The following ADGRL2 variants were observed in gnomAD, a reference collection of about 807,000 sequenced individuals.
The protein encoded by ADGRL2 is adhesion G protein-coupled receptor L2.
A neutral mutation model predicts 157.4 loss-of-function variants in ADGRL2; 44 were observed. That is an observed-to-expected ratio of 0.28 (90% confidence interval 0.22 to 0.36). The LOEUF (loss-of-function observed/expected upper bound fraction) is 0.36. Ranked by LOEUF, ADGRL2 falls within the 10% of genes least tolerant of loss-of-function variation. The pLI, the probability that ADGRL2 is intolerant of heterozygous loss-of-function variation, is 1.00. For synonymous variants in ADGRL2, 585 were observed against 624.7 expected, an observed-to-expected ratio of 0.94 and a Z score of 0.95; for missense variants, 1,510 against 1,768.9, an observed-to-expected ratio of 0.85 and a Z score of 2.63.
intron 2 of ADGRL2, among the ~76,000 whole-genome samples, chr1:81,879,711 C>T (rs186316776): frequency 1.6e-4 from 24 of 152,084 alleles, no homozygotes; most frequent in Non-Finnish European, 3.1e-4. Flanking sequence ...AAAAACAGGT[C>T]GTTTAAATAT....
intron 11 of ADGRL2, among the ~76,000 whole-genome samples, chr1:81,956,593 T>A (rs569035553): frequency 1.9e-4 from 29 of 152,144 alleles, no homozygotes; most frequent in Non-Finnish European, 3.8e-4. Context: ...CAGATAGTGT[T>A]GAAGCATAAT....
chr1:81,843,171 T>C (rs1460472345), intron 2 of ADGRL2, among the ~76,000 whole-genome samples: 2 of 152,178 alleles, frequency 1.3e-5, no homozygotes, highest in Non-Finnish European at 2.9e-5. Flanking sequence ...CTTGCTGTGT[T>C]GCTCAGGCTG....
chr1:81,404,413 A>C lies in ADGRL2; in HGVS notation c.-301-40623A>C, dbSNP rs2076817435. Among the ~76,000 whole-genome samples, 9 of 152,180 alleles carry C rather than the reference A, an allele frequency of 5.9e-5. No individual in the cohort carries two copies. The South Asian group carries it at 1.9e-3, about 32-fold the overall frequency. On this transcript the variant is annotated intron_variant, in intron 1 of 24. Coordinates refer to the ADGRL2 transcript ENST00000370721. ...TGTTCCAAGAACTTCCAAATATTTA[A>C]TCAATTTATCTTCATAATAAATCTA...
chr1:81,721,393 A>G (rs1463541725), intron 1 of ADGRL2, among the ~76,000 whole-genome samples: 1 of 152,126 alleles, frequency 6.6e-6, no homozygotes, highest in Non-Finnish European at 1.5e-5. Flanking sequence ...TACTTTAGTT[A>G]TATATCCAAA....
chr1:81,696,750 T>TCAAAAA (rs1570866859), upstream of ADGRL2, among the ~76,000 whole-genome samples: 5 of 152,090 alleles, frequency 3.3e-5, 1 homozygote, highest in South Asian at 4.2e-4. Context: ...AGACTCCATC[T>TCAAAAA]CAAAAACAAA....
intron 2 of ADGRL2, among the ~76,000 whole-genome samples, chr1:81,446,945 A>T (rs1045634327): frequency 6.6e-6 from 1 of 152,252 alleles, no homozygotes; most frequent in Admixed American, 6.5e-5. Context: ...ATGGCATGTT[A>T]AAGTTTAAAT....
At chr1:81,484,134 TCTTG>T (rs1348351714) in intron 2 of ADGRL2, among the ~76,000 whole-genome samples, 4 of 152,182 alleles carry the variant, frequency 2.6e-5, no homozygotes, top group Non-Finnish European at 5.9e-5. Flanking sequence ...TCCCTTTTGG[TCTTG>T]CTTTTATAAA....
At chr1:81,446,124 G>A (rs1447571293) in intron 2 of ADGRL2, among the ~76,000 whole-genome samples, 1 of 152,012 alleles carries the variant, frequency 6.6e-6, no homozygotes, top group Non-Finnish European at 1.5e-5. Context: ...GTAAATGCCA[G>A]GAAAGAAAAT....
chr1:81,422,337 T>C (rs2077140904), intron 1 of ADGRL2, among the ~76,000 whole-genome samples: 1 of 152,172 alleles, frequency 6.6e-6, no homozygotes, highest in South Asian at 2.1e-4. Context: ...CTCCACCTCC[T>C]GAATTCAAGC....
At chr1:81,462,771 A>C (rs186750354) in intron 2 of ADGRL2, among the ~76,000 whole-genome samples, 1 of 152,302 alleles carries the variant, frequency 6.6e-6, no homozygotes, top group Admixed American at 6.5e-5. Context: ...GGGTCATTAT[A>C]TTTATTTTGT....
At chr1:81,863,083 G>T (rs917624111) in intron 2 of ADGRL2, among the ~76,000 whole-genome samples, 8 of 152,120 alleles carry the variant, frequency 5.3e-5, no homozygotes, top group Non-Finnish European at 1.2e-4. Flanking sequence ...TTTTATGGGG[G>T]AGTCTAACAG....
chr1:81,503,428 G>A, intron 2 of ADGRL2: 2 of 1,613,644 alleles, frequency 1.2e-6, no homozygotes, highest in Non-Finnish European at 1.7e-6. Context: ...CTCATCCCGG[G>A]GCACCCCCAG....
intron 2 of ADGRL2, among the ~76,000 whole-genome samples, chr1:81,843,290 G>A (rs1380750555): frequency 6.6e-6 from 1 of 151,834 alleles, no homozygotes; most frequent in African/African-American, 2.4e-5. Context: ...CCACCACCAC[G>A]CCTGGCTAAT....
At chr1:81,829,227 T>G (rs1191894234) in intron 1 of ADGRL2, among the ~76,000 whole-genome samples, 3 of 152,202 alleles carry the variant, frequency 2.0e-5, no homozygotes, top group Non-Finnish European at 1.5e-5. Context: ...AGGAATCAGC[T>G]ACACCAAACA....
At chr1:81,824,386 CAT>C (rs1171007963) in intron 1 of ADGRL2, among the ~76,000 whole-genome samples, 1 of 151,824 alleles carries the variant, frequency 6.6e-6, no homozygotes, top group African/African-American at 2.4e-5. Flanking sequence ...GCGATCCTTC[CAT>C]CTCAGCCTCC....
chr1:81,740,818 T>C (rs1016217036), intron 1 of ADGRL2, among the ~76,000 whole-genome samples: 5 of 152,096 alleles, frequency 3.3e-5, no homozygotes, highest in Non-Finnish European at 5.9e-5. Flanking sequence ...AAGAAATTTA[T>C]GCAATATAGC....
intron 6 of ADGRL2, among the ~76,000 whole-genome samples, chr1:81,944,933 T>C (rs1329154712): frequency 6.6e-6 from 1 of 152,080 alleles, no homozygotes; most frequent in African/African-American, 2.4e-5. Flanking sequence ...GAATTTCTAA[T>C]TTGAGTCATT....
intron 3 of ADGRL2, among the ~76,000 whole-genome samples, chr1:81,602,032 T>C (rs1330607591): frequency 6.6e-6 from 1 of 152,150 alleles, no homozygotes; most frequent in African/African-American, 2.4e-5. Flanking sequence ...TTAATTCCAA[T>C]CTACAAGCTG....
At chr1:81,502,748 G>A (rs1002417315) in intron 2 of ADGRL2, 46 of 1,613,610 alleles carry the variant, frequency 2.9e-5, no homozygotes, top group Admixed American at 1.2e-4. Flanking sequence ...GCAATTGATG[G>A]CAACCGCAGG....
Sources: gnomAD v4.1 joint callset for allele counts (sites outside exome capture counted in the v4.1 genomes callset) on GRCh38, gnomAD v4.1.1 for gene constraint, MANE v1.5 for transcripts, NCBI Gene and HGNC (gene_info 2026-07-23, HGNC 2026-07-21) for gene names.